The following TBL1XR1 variants were observed in gnomAD, a reference collection of about 807,000 sequenced individuals.
TBL1XR1 encodes TBL1X/Y related 1.
Under a neutral mutation model 66.9 loss-of-function variants are expected in TBL1XR1, and 5 were observed. The ratio of observed to expected loss-of-function variants is 0.07; its 90% CI spans 0.04 to 0.16. TBL1XR1 has a LOEUF of 0.16. Ranked by LOEUF, TBL1XR1 falls within the 10% of genes least tolerant of loss-of-function variation. The pLI is 1.00. For synonymous variants in TBL1XR1, 210 were observed against 206.0 expected, an observed-to-expected ratio of 1.02 and a Z score of -0.17; for missense variants, 238 against 623.2, an observed-to-expected ratio of 0.38 and a Z score of 6.58.
At chr3:177,118,071 C>T (rs1577220408) in intron 1 of TBL1XR1, among the ~76,000 whole-genome samples, 1 of 152,192 alleles carries the variant, frequency 6.6e-6, no homozygotes, top group South Asian at 2.1e-4. Context: ...TTCTTTACCT[C>T]ACCTACCATT....
intron 1 of TBL1XR1, among the ~76,000 whole-genome samples, chr3:177,189,102 G>A (rs1465972653): frequency 6.6e-6 from 1 of 152,074 alleles, no homozygotes; most frequent in African/African-American, 2.4e-5. Flanking sequence ...CAGCTACTCA[G>A]GAGGCTGAGG....
At chr3:177,168,643 C>G (rs997210521) in intron 1 of TBL1XR1, among the ~76,000 whole-genome samples, 4 of 152,164 alleles carry the variant, frequency 2.6e-5, no homozygotes, top group Non-Finnish European at 5.9e-5. Flanking sequence ...TACTGCTTCA[C>G]TTGGTGTTCA....
At chr3:177,137,776 C>A (rs1448247690) in intron 1 of TBL1XR1, among the ~76,000 whole-genome samples, 1 of 152,112 alleles carries the variant, frequency 6.6e-6, no homozygotes, top group Non-Finnish European at 1.5e-5. Context: ...TTGAGAACAG[C>A]CTGGGCAACA....
intron 13 of TBL1XR1, among the ~76,000 whole-genome samples, chr3:177,033,902 T>C (rs776756139): frequency 2.0e-5 from 3 of 152,060 alleles, no homozygotes; most frequent in Admixed American, 6.5e-5. Flanking sequence ...ATAAGAATGA[T>C]ATAATGAACT....
intron 1 of TBL1XR1, among the ~76,000 whole-genome samples, chr3:177,157,240 C>T (rs759075383): frequency 2.6e-5 from 4 of 152,110 alleles, no homozygotes; most frequent in Admixed American, 2.0e-4. Flanking sequence ...ATTTCCTCTC[C>T]GGAGGCTCCT....
At chr3:177,129,058 A>G (rs945713807) in intron 1 of TBL1XR1, among the ~76,000 whole-genome samples, 3 of 152,206 alleles carry the variant, frequency 2.0e-5, no homozygotes, top group African/African-American at 4.8e-5. Context: ...TTAATCTTTG[A>G]TGACATTAAA....
At chr3:177,093,931 A>G (rs1723138537) in intron 2 of TBL1XR1, among the ~76,000 whole-genome samples, 1 of 152,214 alleles carries the variant, frequency 6.6e-6, no homozygotes, top group African/African-American at 2.4e-5. Context: ...TTCATGACCA[A>G]GAACCCCAAA....
intron 1 of TBL1XR1, among the ~76,000 whole-genome samples, chr3:177,182,823 C>T (rs969741812): frequency 5.9e-5 from 9 of 152,274 alleles, no homozygotes; most frequent in Admixed American, 3.3e-4. Context: ...CATGTTATGG[C>T]ATGTAAATTT....
At chr3:177,065,354 A>G (rs1410047565) in intron 2 of TBL1XR1, among the ~76,000 whole-genome samples, 3 of 152,246 alleles carry the variant, frequency 2.0e-5, no homozygotes, top group Non-Finnish European at 4.4e-5. Context: ...AGTAAATTTT[A>G]AAAATAAAAA....
At chr3:177,064,884 T>G in intron 3 of TBL1XR1, 36 bp downstream of exon 3, 1 of 1,292,890 alleles carries the variant, frequency 7.7e-7, no homozygotes, top group Non-Finnish European at 1.1e-6. Context: ...AATATTAAAA[T>G]AATTTGAGGC....
intron 11 of TBL1XR1, 60 bp downstream of exon 11, chr3:177,038,253 C>T: frequency 6.3e-7 from 1 of 1,596,064 alleles, no homozygotes; most frequent in Non-Finnish European, 8.5e-7. Context: ...TACTTTAAAA[C>T]TATTCTGAAA....
intron 1 of TBL1XR1, among the ~76,000 whole-genome samples, chr3:177,113,542 G>A (rs1273396088): frequency 6.6e-6 from 1 of 151,998 alleles, no homozygotes; most frequent in Non-Finnish European, 1.5e-5. Context: ...TTTAAAATCG[G>A]CAAAATGGCC....
At chr3:177,062,572 C>A (rs191637176) in intron 3 of TBL1XR1, among the ~76,000 whole-genome samples, 2 of 152,270 alleles carry the variant, frequency 1.3e-5, no homozygotes, top group Admixed American at 6.5e-5. Context: ...CCCTATAAAT[C>A]ATAATGTAAA....
intron 1 of TBL1XR1, among the ~76,000 whole-genome samples, chr3:177,175,566 C>T (rs1734056201): frequency 6.6e-6 from 1 of 152,086 alleles, no homozygotes; most frequent in Non-Finnish European, 1.5e-5. Flanking sequence ...TTTGGGTGAA[C>T]ACACTTAATT....
At chr3:177,154,196 T>C (rs1200006442) in intron 1 of TBL1XR1, among the ~76,000 whole-genome samples, 1 of 152,092 alleles carries the variant, frequency 6.6e-6, no homozygotes, top group Non-Finnish European at 1.5e-5. Flanking sequence ...ATGGAAAATA[T>C]ATCTCATGAC....
chr3:177,094,320 A>T (rs972320696), intron 2 of TBL1XR1, among the ~76,000 whole-genome samples: 4 of 152,204 alleles, frequency 2.6e-5, no homozygotes, highest in African/African-American at 9.6e-5. Context: ...AAAATGAAAA[A>T]ATAATAGATG....
chr3:177,134,975 GTGTC>G (rs1374002926), intron 1 of TBL1XR1, among the ~76,000 whole-genome samples: 29 of 150,414 alleles, frequency 1.9e-4, no homozygotes, highest in Middle Eastern at 6.8e-3. Flanking sequence ...GTCTGTGTGT[GTGTC>G]TGTGTGTGTG....
chr3:177,058,783 T>C (rs963048963), intron 3 of TBL1XR1, among the ~76,000 whole-genome samples: 10 of 152,238 alleles, frequency 6.6e-5, no homozygotes, highest in African/African-American at 2.2e-4. Flanking sequence ...CTAAAAAACA[T>C]TGAACAAATT....
At chr3:177,072,544 T>C (rs1720162769) in intron 2 of TBL1XR1, among the ~76,000 whole-genome samples, 1 of 152,136 alleles carries the variant, frequency 6.6e-6, no homozygotes, top group South Asian at 2.1e-4. Flanking sequence ...AAATCTTAAA[T>C]GTTCAAATAC....
Sources: gnomAD v4.1 joint callset for allele counts (sites outside exome capture counted in the v4.1 genomes callset) on GRCh38, gnomAD v4.1.1 for gene constraint, MANE v1.5 for transcripts, NCBI Gene and HGNC (gene_info 2026-07-23, HGNC 2026-07-21) for gene names.